Variants in EPC1 observed in about 807,000 individuals in gnomAD.
EPC1 encodes enhancer of polycomb homolog 1.
A neutral mutation model predicts 98.4 loss-of-function variants in EPC1; 12 were observed. The observed-to-expected ratio is 0.12, with a 90% CI of 0.08 to 0.20. The LOEUF (loss-of-function observed/expected upper bound fraction) is 0.20. Ranked by LOEUF, EPC1 falls within the 10% of genes least tolerant of loss-of-function variation. The pLI, the probability that EPC1 is intolerant of heterozygous loss-of-function variation, is 1.00. For missense variants in EPC1, 729 were observed against 990.5 expected (o/e 0.74, Z 3.54); for synonymous variants, 357 against 363.9 (o/e 0.98, Z 0.21).
At chr10:32,348,303 GTTTAATAAA>G (rs1056065725), upstream of EPC1, among the ~76,000 whole-genome samples, 2 of 152,100 alleles carry the variant, frequency 1.3e-5, no homozygotes, top group Non-Finnish European at 2.9e-5. Flanking sequence ...GTTGGGGTGG[GTTTAATAAA>G]TTGGCAGCCA....
At position 32,273,272 on chromosome 10, in the gene EPC1, G is replaced by T. The variant is rs746163827; in HGVS notation, c.1754C>A (p.Ala585Asp). The change falls in exon 11 of 14, where the codon GCC becomes GAC. Residue 585 changes from alanine to aspartate, a missense_variant. By Grantham distance (126) the Ala-to-Asp change is moderately radical (BLOSUM62 -2). Transcript: ENST00000319778. ...CTGTTGATGTTGCTGGTATTGTTCGGCTGTAAATGCTGAACATAAAATAAA... is the reference window on the plus strand; with the variant it reads ...CTGTTGATGTTGCTGGTATTGTTCGTCTGTAAATGCTGAACATAAAATAAA... ...SSGSAHFAFT[A>D]EQYQQHQQQL... 6.2e-7 allele frequency: 1 copy of T among 1,613,814 alleles called. No individual in the cohort carries two copies. Among genetic ancestry groups the T allele is most frequent in the African/African-American group, 1.3e-5 (1 of 74,916 alleles).
In EPC1 at chr10:32,316,281, A is replaced by G. The variant is rs1268103247; in HGVS notation, c.154-10350T>C. Among the ~76,000 whole-genome samples the G allele has an allele frequency of 2.0e-5, 3 of 152,216 alleles. No homozygotes were observed. The East Asian group carries it at 5.8e-4, about 29-fold the overall frequency. On this transcript the variant is annotated intron_variant, in intron 1 of 13. Transcript: ENST00000319778. ...AAGGCCGATAGATACTGTAAGACCA[A>G]ACACACACAATCCATAGCCCGGCAA...
In EPC1 at chr10:32,346,109, G is replaced by A. The variant is rs1303915856; in HGVS notation, c.153+654C>T. Among the ~76,000 whole-genome samples, 3 of 152,354 alleles carry A rather than the reference G, an allele frequency of 2.0e-5. No individual in the cohort carries two copies. The South Asian group carries it at 6.2e-4, about 32-fold the overall frequency. On this transcript the variant is annotated intron_variant, in intron 1 of 13. Transcript: ENST00000319778. ...AAAGTAAGTCTTATCTTCTAGAAAA[G>A]TAAGTCGTCCGGGCAAACACGCTGC...
At chr10:32,295,285 T>G (rs1172970898) in intron 2 of EPC1, among the ~76,000 whole-genome samples, 3 of 152,166 alleles carry the variant, frequency 2.0e-5, no homozygotes. Flanking sequence ...CAGTCAGACA[T>G]TAAAGTCTGT....
intron 1 of EPC1, among the ~76,000 whole-genome samples, chr10:32,314,201 A>G (rs1454290169): frequency 1.3e-5 from 2 of 152,206 alleles, no homozygotes; most frequent in Non-Finnish European, 2.9e-5. Flanking sequence ...AATCAGATGA[A>G]CCATAGCTTA....
chr10:32,351,770 G>C (rs565400058), upstream of EPC1, among the ~76,000 whole-genome samples: 3 of 150,552 alleles, frequency 2.0e-5, no homozygotes, highest in East Asian at 6.1e-4. Context: ...TTGCTCTGTT[G>C]CCCAGGCTGG....
At chr10:32,330,966 C>T (rs914035478) in intron 1 of EPC1, among the ~76,000 whole-genome samples, 2 of 150,962 alleles carry the variant, frequency 1.3e-5, no homozygotes, top group East Asian at 1.9e-4. Context: ...TGTAAAAGTT[C>T]GAACGTAAGA....
intron 1 of EPC1, among the ~76,000 whole-genome samples, chr10:32,314,117 A>G (rs1338191594): frequency 6.6e-6 from 1 of 152,226 alleles, no homozygotes; most frequent in African/African-American, 2.4e-5. Flanking sequence ...GCCTGATTTT[A>G]AAGTGAACAA....
At chr10:32,283,116 C>T (rs1331704363) in intron 10 of EPC1, 1 of 152,156 alleles carries the variant, frequency 6.6e-6, no homozygotes, top group Non-Finnish European at 1.5e-5. Context: ...ACTTCCATTT[C>T]ATAGAAGTAC....
chr10:32,324,402 G>A (rs1280235884), intron 1 of EPC1, among the ~76,000 whole-genome samples: 1 of 151,118 alleles, frequency 6.6e-6, no homozygotes, highest in Non-Finnish European at 1.5e-5. Context: ...GTGGTGGCGG[G>A]TGCCTATAAT....
intron 1 of EPC1, among the ~76,000 whole-genome samples, chr10:32,310,194 C>CA (rs1836125467): frequency 6.6e-6 from 1 of 151,312 alleles, no homozygotes; most frequent in African/African-American, 2.4e-5. Context: ...GATATTGTCT[C>CA]AAAAAAAGAA....
chr10:32,304,966 C>T (rs981746633), intron 2 of EPC1, among the ~76,000 whole-genome samples: 89 of 149,980 alleles, frequency 5.9e-4, no homozygotes, highest in African/African-American at 2.0e-3. Flanking sequence ...ACCTCTTGAT[C>T]ATAAAGATTA....
At position 32,287,083 on chromosome 10, in the gene EPC1, G is replaced by T; in HGVS notation, c.1152+15C>A. 1 of 1,614,044 alleles carries T rather than the reference G, an allele frequency of 6.2e-7. No homozygotes were observed. Among genetic ancestry groups the T allele is most frequent in the South Asian group, 1.1e-5 (1 of 91,084 alleles). On this transcript the variant is annotated intron_variant, in intron 7 of 13. Coordinates refer to ENST00000319778, the MANE Select transcript of EPC1 (RefSeq NM_001272004.3). ...TACATCCCTCCTCAATGTTCATAGA[G>T]AATTGTATTTGTACCTGGGAGAGAG...
Position 32,291,339 on chromosome 10 carries a change from G to C in EPC1, c.816-17C>G, listed in dbSNP as rs779379061. 3.2e-6 allele frequency: 5 copies of C among 1,582,440 alleles called. No individual in the cohort carries two copies. Among genetic ancestry groups the C allele is most frequent in the Non-Finnish European group, 4.3e-6 (5 of 1,158,792 alleles). On this transcript the variant is annotated splice_polypyrimidine_tract_variant and intron_variant, in intron 5 of 13. Coordinates refer to ENST00000319778, the MANE Select transcript of EPC1 (RefSeq NM_001272004.3). ...AAATTATACCTAAAATTATACAAAT[G>C]AAAGTTTAAAATTATATATATTTAA... is the stretch of plus-strand genomic sequence containing the variant.
intron 1 of EPC1, among the ~76,000 whole-genome samples, chr10:32,338,954 T>A (rs1448321876): frequency 2.0e-5 from 3 of 148,518 alleles, no homozygotes; most frequent in East Asian, 2.0e-4. Context: ...AATAAATAAA[T>A]AAATAAATAA....
At chr10:32,345,986 C>T (rs1564560724) in intron 1 of EPC1, among the ~76,000 whole-genome samples, 1 of 152,164 alleles carries the variant, frequency 6.6e-6, no homozygotes, top group Non-Finnish European at 1.5e-5. Flanking sequence ...AAGATATTCG[C>T]AAGGATCACA....
At chr10:32,324,079 G>A (rs1032943341) in intron 1 of EPC1, among the ~76,000 whole-genome samples, 11 of 151,958 alleles carry the variant, frequency 7.2e-5, no homozygotes, top group African/African-American at 2.4e-4. Flanking sequence ...GGGACTACAG[G>A]CGCCCGCCAC....
rs138416073 is a variant in EPC1, at chr10:32,293,245, A to G, written c.460-51T>C. On this transcript the variant is annotated intron_variant, in intron 3 of 13. Coordinates refer to ENST00000319778, the MANE Select transcript of EPC1 (RefSeq NM_001272004.3). ...TTCATACAATACACATACAAGGTTC[A>G]TAAGTATTTACTTCTAAATTTAAAG... The G allele has an allele frequency of 8.7e-4, 1,167 of 1,342,480 alleles. 10 individuals are homozygous for G. The African/African-American group carries it at 0.014, about 16-fold the overall frequency. 83.2% of individuals were successfully genotyped at this position (1,342,480 alleles called of 1,614,324 possible).
chr10:32,326,586 A>C (rs1837294192), intron 1 of EPC1, among the ~76,000 whole-genome samples: 1 of 152,212 alleles, frequency 6.6e-6, no homozygotes, highest in Non-Finnish European at 1.5e-5. Context: ...TATAACAAAA[A>C]AAACTAAAAT....
Sources: gnomAD v4.1 joint callset for allele counts (sites outside exome capture counted in the v4.1 genomes callset) on GRCh38, gnomAD v4.1.1 for gene constraint, MANE v1.5 for transcripts, NCBI Gene and HGNC (gene_info 2026-07-23, HGNC 2026-07-21) for gene names.